ARHGAP15: variants seen among roughly 807,000 people sequenced by gnomAD.
The protein encoded by ARHGAP15 is Rho GTPase activating protein 15.
In ARHGAP15, 51 loss-of-function variants were observed where a neutral mutation model predicts 63.7. The ratio of observed to expected loss-of-function variants is 0.80; its 90% CI spans 0.64 to 1.01. ARHGAP15 has a LOEUF of 1.01. Ranked by LOEUF, ARHGAP15 falls within the 50% of genes least tolerant of loss-of-function variation. The pLI, the probability that ARHGAP15 is intolerant of heterozygous loss-of-function variation, is 0.00. For synonymous variants in ARHGAP15, 191 were observed against 193.8 expected (o/e 0.99, Z 0.12); for missense variants, 560 against 564.6 (o/e 0.99, Z 0.08).
chr2:143,762,708 T>C (rs1412346876), intron 13 of ARHGAP15, among the ~76,000 whole-genome samples: 1 of 152,128 alleles, frequency 6.6e-6, no homozygotes, highest in Non-Finnish European at 1.5e-5. Context: ...AAGGATTTTT[T>C]TTTTCTGCAG....
At position 143,298,245 on chromosome 2, in the gene ARHGAP15, C is replaced by A. The variant is rs549244738; in HGVS notation, c.474+47645C>A. The stretch of plus-strand genomic sequence containing the variant: ...CTATAGAGATATTAGTACTTCAATC[C>A]ACACTATGAATTCCCATGTGGAAAA... On this transcript the variant is annotated intron_variant, in intron 6 of 13. Transcript: ENST00000295095. Among the ~76,000 whole-genome samples the A allele has an allele frequency of 2.8e-4, 43 of 152,016 alleles. No individual in the cohort carries two copies. In the South Asian group the frequency reaches 8.7e-3, roughly 31 times the overall value.
intron 6 of ARHGAP15, among the ~76,000 whole-genome samples, chr2:143,418,517 T>C (rs1261228063): frequency 6.6e-6 from 1 of 152,170 alleles, no homozygotes; most frequent in Non-Finnish European, 1.5e-5. Flanking sequence ...TTAATATAGA[T>C]ATAATATACA....
At chr2:143,130,239 A>T (rs995469346) in intron 1 of ARHGAP15, among the ~76,000 whole-genome samples, 4 of 152,142 alleles carry the variant, frequency 2.6e-5, no homozygotes, top group African/African-American at 9.6e-5. Context: ...AGAAATGAAA[A>T]GGATTTGTTA....
intron 6 of ARHGAP15, among the ~76,000 whole-genome samples, chr2:143,262,487 T>C (rs923304159): frequency 2.2e-4 from 33 of 151,664 alleles, no homozygotes; most frequent in African/African-American, 7.8e-4. Context: ...GTTTTGTTTG[T>C]CTGAAGGAGT....
chr2:143,728,084 C>A (rs1273089118), intron 13 of ARHGAP15, among the ~76,000 whole-genome samples: 1 of 152,180 alleles, frequency 6.6e-6, no homozygotes, highest in South Asian at 2.1e-4. Context: ...ACACACCAGG[C>A]GGCTTAAAAA....
intron 12 of ARHGAP15, among the ~76,000 whole-genome samples, chr2:143,634,722 A>G (rs1194475132): frequency 6.6e-6 from 1 of 152,168 alleles, no homozygotes; most frequent in Non-Finnish European, 1.5e-5. Context: ...AACATGTTTC[A>G]TATGACAGGA....
chr2:143,727,608 G>A (rs1559147890), intron 13 of ARHGAP15, among the ~76,000 whole-genome samples: 2 of 152,164 alleles, frequency 1.3e-5, no homozygotes, highest in African/African-American at 4.8e-5. Context: ...TTTAGACAGA[G>A]GTAAGGTTTT....
chr2:143,605,071 G>C (rs1005202136), intron 11 of ARHGAP15, among the ~76,000 whole-genome samples: 1 of 152,062 alleles, frequency 6.6e-6, no homozygotes, highest in Non-Finnish European at 1.5e-5. Flanking sequence ...ACCATGCCTG[G>C]CTAAGTTTTG....
At chr2:143,495,786 T>G (rs1242885279) in intron 9 of ARHGAP15, among the ~76,000 whole-genome samples, 1 of 152,194 alleles carries the variant, frequency 6.6e-6, no homozygotes, top group East Asian at 1.9e-4. Context: ...ACACTGTTAA[T>G]TTAAGCAAAA....
chr2:143,452,805 A>G (rs1690467839), intron 8 of ARHGAP15, among the ~76,000 whole-genome samples: 1 of 151,856 alleles, frequency 6.6e-6, no homozygotes, highest in Admixed American at 6.6e-5. Context: ...TATCATTTCT[A>G]CCTATAATTT....
intron 1 of ARHGAP15, among the ~76,000 whole-genome samples, chr2:143,136,274 T>A (rs1689135888): frequency 6.6e-6 from 1 of 152,112 alleles, no homozygotes; most frequent in Admixed American, 6.6e-5. Flanking sequence ...TTCTCAATAA[T>A]GGCCCTTAAG....
intron 2 of ARHGAP15, among the ~76,000 whole-genome samples, chr2:143,187,210 G>A (rs1485112529): frequency 6.6e-6 from 1 of 152,030 alleles, no homozygotes; most frequent in Non-Finnish European, 1.5e-5. Flanking sequence ...CTATTTCTTG[G>A]GGAAGACTCA....
chr2:143,286,275 T>A (rs1041385389), intron 6 of ARHGAP15, among the ~76,000 whole-genome samples: 8 of 152,198 alleles, frequency 5.3e-5, no homozygotes, highest in African/African-American at 1.9e-4. Flanking sequence ...GGACTGAAGC[T>A]TGAAGCTCTG....
At chr2:143,697,710 G>C (rs2105409131) in intron 12 of ARHGAP15, among the ~76,000 whole-genome samples, 1 of 152,226 alleles carries the variant, frequency 6.6e-6, no homozygotes, top group Non-Finnish European at 1.5e-5. Flanking sequence ...AGCAATTGTT[G>C]TCATCCCTGA....
chr2:143,138,549 G>A (rs1202569339), intron 1 of ARHGAP15, among the ~76,000 whole-genome samples: 8 of 152,152 alleles, frequency 5.3e-5, no homozygotes, highest in Non-Finnish European at 1.5e-5. Context: ...TGCCTATGCA[G>A]AAGTGTTGTA....
chr2:143,588,945 C>G (rs1199518839), intron 11 of ARHGAP15, among the ~76,000 whole-genome samples: 1 of 152,120 alleles, frequency 6.6e-6, no homozygotes, highest in African/African-American at 2.4e-5. Flanking sequence ...CTTCCTGATT[C>G]AAGACATTGG....
chr2:143,257,409 T>C (rs545673156), intron 6 of ARHGAP15, among the ~76,000 whole-genome samples: 1 of 152,230 alleles, frequency 6.6e-6, no homozygotes, highest in Admixed American at 6.5e-5. Flanking sequence ...GTTTCTAACA[T>C]TTCAGCAGAA....
intron 3 of ARHGAP15, among the ~76,000 whole-genome samples, chr2:143,211,303 A>C (rs1436729963): frequency 2.2e-5 from 3 of 139,038 alleles, no homozygotes; most frequent in Non-Finnish European, 4.6e-5. Context: ...AAAGACAGAT[A>C]AGGTAGATAT....
chr2:143,628,301 CT>C (rs1698919273), intron 12 of ARHGAP15, among the ~76,000 whole-genome samples: 1 of 152,096 alleles, frequency 6.6e-6, no homozygotes, highest in South Asian at 2.1e-4. Context: ...GTACTTGTGT[CT>C]TTTTGGTAGA....
Sources: gnomAD v4.1 joint callset for allele counts (sites outside exome capture counted in the v4.1 genomes callset) on GRCh38, gnomAD v4.1.1 for gene constraint, MANE v1.5 for transcripts, NCBI Gene and HGNC (gene_info 2026-07-23, HGNC 2026-07-21) for gene names.